CACNA1A: variants seen among roughly 807,000 people sequenced by gnomAD.
The protein encoded by CACNA1A is calcium voltage-gated channel subunit alpha1 A.
In CACNA1A, 57 loss-of-function variants were observed where a neutral mutation model predicts 262.4. That is an observed-to-expected ratio of 0.22 (90% CI 0.18 to 0.27). The LOEUF is 0.27. Ranked by LOEUF, CACNA1A falls within the 10% of genes least tolerant of loss-of-function variation. The pLI, the probability that CACNA1A is intolerant of heterozygous loss-of-function variation, is 1.00. For synonymous variants in CACNA1A, 1,431 were observed against 1,419.3 expected (o/e 1.01, Z -0.18); for missense variants, 2,526 against 3,562.8 (o/e 0.71, Z 7.41).
chr19:13,461,823 C>T (rs756921163), intron 1 of CACNA1A, among the ~76,000 whole-genome samples: 10 of 152,052 alleles, frequency 6.6e-5, no homozygotes, highest in Non-Finnish European at 1.3e-4. Context: ...CAAAGCGGGG[C>T]GGGGGCTGAA....
At chr19:13,457,767 T>A (rs2061040460) in intron 1 of CACNA1A, among the ~76,000 whole-genome samples, 1 of 151,232 alleles carries the variant, frequency 6.6e-6, no homozygotes, top group Non-Finnish European at 1.5e-5. Context: ...GCAGGAGGAT[T>A]GCTTGAACCC....
chr19:13,273,968 G>A (rs999437688), intron 24 of CACNA1A: 1 of 150,462 alleles, frequency 6.6e-6, no homozygotes, highest in African/African-American at 2.5e-5. Context: ...GGCTGGTCTT[G>A]GCCTCCTGGG....
At chr19:13,226,080 C>CCAA (rs2144601665) in intron 37 of CACNA1A, 1 of 152,206 alleles carries the variant, frequency 6.6e-6, no homozygotes, top group Non-Finnish European at 1.5e-5. Context: ...CAACAATTTT[C>CCAA]CAACAGGCAT....
chr19:13,327,251 G>C (rs550598303), intron 10 of CACNA1A, among the ~76,000 whole-genome samples: 7 of 152,172 alleles, frequency 4.6e-5, no homozygotes, highest in African/African-American at 1.7e-4. Context: ...TGGAATTCCA[G>C]AGATCTCTTT....
intron 12 of CACNA1A, among the ~76,000 whole-genome samples, chr19:13,312,060 C>T (rs1285539924): frequency 6.6e-6 from 1 of 152,112 alleles, no homozygotes; most frequent in African/African-American, 2.4e-5. Context: ...CAATGGAATG[C>T]TGGGTCATAT....
chr19:13,497,565 T>A (rs1256796871), intron 1 of CACNA1A, among the ~76,000 whole-genome samples: 13 of 37,486 alleles, frequency 3.5e-4, no homozygotes, highest in East Asian at 8.7e-4. Flanking sequence ...TATATATATA[T>A]ATATATATAT....
At chr19:13,323,698 G>A (rs755842731) in intron 10 of CACNA1A, among the ~76,000 whole-genome samples, 2 of 152,068 alleles carry the variant, frequency 1.3e-5, no homozygotes, top group Non-Finnish European at 1.5e-5. Context: ...GTTTGCAAAC[G>A]TTTTCTCACA....
rs796204286 is a variant in CACNA1A at position 13,230,810 on chromosome 19, GA to G, written c.5401-602del. Reference sequence around the variant, plus strand: ...CAACAGAGTGAGACTCCATTTCAAAGAAAAAAAAAAAAGAGAGAGAGAGACA... The same window carrying G: ...CAACAGAGTGAGACTCCATTTCAAAGAAAAAAAAAAAGAGAGAGAGAGACA... On this transcript the variant is annotated intron_variant, in intron 35 of 46. Transcript: ENST00000360228. Among the ~76,000 whole-genome samples, 560 of 123,262 alleles carry G rather than the reference GA, an allele frequency of 4.5e-3. 5 individuals are homozygous for G. Among genetic ancestry groups the G allele is most frequent in the African/African-American group, 0.013 (427 of 33,778 alleles). The allele number at this position is 123,262 out of a possible 152,430, so 80.9% of individuals were successfully genotyped here. A position where few individuals can be genotyped will look rare whatever the true frequency, so the allele number is the denominator to read the frequency against.
chr19:13,490,472 G>A (rs1374403385), intron 1 of CACNA1A, among the ~76,000 whole-genome samples: 19 of 152,004 alleles, frequency 1.2e-4, no homozygotes, highest in African/African-American at 2.9e-4. Context: ...GTGTGGTGGC[G>A]CGTGCCTGTA....
chr19:13,308,065 T>C lies in CACNA1A; in HGVS notation c.1913+55A>G. 12 of 1,606,042 alleles carry C rather than the reference T, an allele frequency of 7.5e-6. 1 individual carries two copies. The highest frequency in any genetic ancestry group is 1.0e-5 in the Non-Finnish European group (12 of 1,175,482). ...CCTGCACGGTGGAGGGGACTGTGTG[T>C]TCCCTGAGCCTGACCCCAGGGAACC... On this transcript the variant is annotated intron_variant, in intron 14 of 46. Coordinates refer to ENST00000360228, the MANE Select transcript of CACNA1A (RefSeq NM_001127222.2). The surrounding 1 kb of genome is among the most constrained non-coding windows in gnomAD (Gnocchi z 4.2).
At chr19:13,399,841 G>A (rs1199082243) in intron 3 of CACNA1A, among the ~76,000 whole-genome samples, 1 of 152,164 alleles carries the variant, frequency 6.6e-6, no homozygotes, top group Non-Finnish European at 1.5e-5. Flanking sequence ...AAGGGCCATG[G>A]GGAGTAACAG....
At chr19:13,403,284 G>A (rs1019376452) in intron 3 of CACNA1A, among the ~76,000 whole-genome samples, 1 of 151,974 alleles carries the variant, frequency 6.6e-6, no homozygotes, top group Non-Finnish European at 1.5e-5. Context: ...TTCTTTGCCT[G>A]GGACATTCTA....
At position 13,464,694 on chromosome 19, in the gene CACNA1A, G is replaced by A. The variant is rs544310754; in HGVS notation, c.294-9482C>T. ...CTCCCGAGTAGCTGGGATTACAGGC[G>A]CCTGCCACCGCGCCCGGCTAATTTT... On this transcript the variant is annotated intron_variant, in intron 1 of 46. Transcript: ENST00000360228. Among the ~76,000 whole-genome samples, 85 of 151,460 alleles carry A rather than the reference G, an allele frequency of 5.6e-4. 3 individuals are homozygous for A. The East Asian group carries it at 0.016, about 29-fold the overall frequency.
At chr19:13,473,845 C>T (rs1978301987) in intron 1 of CACNA1A, among the ~76,000 whole-genome samples, 1 of 151,196 alleles carries the variant, frequency 6.6e-6, no homozygotes, top group Non-Finnish European at 1.5e-5. Flanking sequence ...GTCCTTCTTG[C>T]ATCTTCCACC....
At position 13,241,567 on chromosome 19, in the gene CACNA1A, G is replaced by A; in HGVS notation, c.4950+3615C>T. 9.3e-7 allele frequency: 1 copy of A among 1,074,958 alleles called. No individual in the cohort carries two copies. The highest frequency in any genetic ancestry group is 1.4e-6 in the Non-Finnish European group (1 of 724,060). The allele number at this position is 1,074,958 out of a possible 1,614,324, so 66.6% of individuals were successfully genotyped here. A position where few individuals can be genotyped will look rare whatever the true frequency, so the allele number is the denominator to read the frequency against. ...GAAGATGAGGGGGAGCGGGCGGGCG[G>A]GGGCAGTTGGGGAGGCGTGTTCAGC... is the stretch of plus-strand genomic sequence containing the variant. On this transcript the variant is annotated intron_variant, in intron 31 of 46. Transcript: ENST00000360228. The surrounding 1 kb of genome is among the most constrained non-coding windows in gnomAD (Gnocchi z 4.0).
chr19:13,208,391 G>T (rs986520053), intron 46 of CACNA1A, among the ~76,000 whole-genome samples: 1 of 152,076 alleles, frequency 6.6e-6, no homozygotes, highest in African/African-American at 2.4e-5. Flanking sequence ...ACTCACAGGC[G>T]TCCAGAGGAC....
chr19:13,216,910 G>A (rs2055033344), intron 38 of CACNA1A, among the ~76,000 whole-genome samples: 1 of 152,164 alleles, frequency 6.6e-6, no homozygotes, highest in Non-Finnish European at 1.5e-5. Flanking sequence ...AATGCCTGGG[G>A]TGGGGGGCTT....
intron 35 of CACNA1A, among the ~76,000 whole-genome samples, chr19:13,230,586 C>T (rs1202430851): frequency 6.6e-6 from 1 of 152,060 alleles, no homozygotes; most frequent in Non-Finnish European, 1.5e-5. Context: ...GGACAGATCA[C>T]TTGAGGTCAG....
chr19:13,496,128 T>A (rs1981507632), intron 1 of CACNA1A, among the ~76,000 whole-genome samples: 4 of 152,084 alleles, frequency 2.6e-5, no homozygotes, highest in Admixed American at 2.0e-4. Context: ...GATGCCTCCA[T>A]CCCCTCTAAA....
Sources: gnomAD v4.1 joint callset for allele counts (sites outside exome capture counted in the v4.1 genomes callset) on GRCh38, gnomAD v4.1.1 for gene constraint, Gnocchi (gnomAD v3.1) non-coding constraint, MANE v1.5 for transcripts, NCBI Gene and HGNC (gene_info 2026-07-23, HGNC 2026-07-21) for gene names.